The following GYPC variants were observed in gnomAD, a reference collection of about 807,000 sequenced individuals.
GYPC encodes the protein glycophorin-C.
A neutral mutation model predicts 12.6 loss-of-function variants in GYPC; 14 were observed. That is an observed-to-expected ratio of 1.11 (90% CI 0.74 to 1.74). The LOEUF (loss-of-function observed/expected upper bound fraction) is 1.74. Among genes scored for constraint, GYPC ranks in the 40% most tolerant of loss-of-function variants. The probability of loss-of-function intolerance (pLI) is 0.00; values close to 1 mark genes in which losing one functional copy is unlikely to be tolerated. For missense variants in GYPC, 225 were observed against 172.1 expected, an observed-to-expected ratio of 1.31 and a Z score of -1.72; for synonymous variants, 78 against 62.1, an observed-to-expected ratio of 1.26 and a Z score of -1.20.
At chr2:126,663,306 G>A (rs1021343192) in intron 1 of GYPC, among the ~76,000 whole-genome samples, 1 of 152,180 alleles carries the variant, frequency 6.6e-6, no homozygotes, top group Admixed American at 6.5e-5. Flanking sequence ...AAAGTGCTGG[G>A]ATTATAGGCA....
intron 1 of GYPC, chr2:126,680,303 G>C (rs1227400576): frequency 1.3e-5 from 2 of 152,232 alleles, no homozygotes; most frequent in Non-Finnish European, 2.9e-5. Flanking sequence ...GAAAGATGAG[G>C]CCAAGAGGGG....
chr2:126,668,984 A>G (rs1056523191), intron 1 of GYPC, among the ~76,000 whole-genome samples: 1 of 152,260 alleles, frequency 6.6e-6, no homozygotes, highest in African/African-American at 2.4e-5. Context: ...AACTGGCTCA[A>G]TAGCTATGTA....
intron 1 of GYPC, among the ~76,000 whole-genome samples, chr2:126,659,698 G>A (rs1025372584): frequency 6.6e-5 from 10 of 152,016 alleles, no homozygotes; most frequent in Non-Finnish European, 1.3e-4. Context: ...AAACTTAGAT[G>A]CCGAGCCCTG....
At chr2:126,692,654 G>T (rs530062660) in intron 2 of GYPC, among the ~76,000 whole-genome samples, 2 of 152,074 alleles carry the variant, frequency 1.3e-5, no homozygotes, top group Non-Finnish European at 2.9e-5. Flanking sequence ...GAAACATCCC[G>T]GTCCCCAATG....
rs144302046 is a variant in GYPC, at chr2:126,685,689, A to C, written c.50-4566A>C. The C allele has an allele frequency of 3.6e-3, 2,647 of 744,716 alleles. 4 individuals are homozygous for C. The highest frequency in any genetic ancestry group is 4.0e-3 in the Non-Finnish European group (2,423 of 609,956). The allele number at this position is 744,716 out of a possible 1,614,324, so 46.1% of individuals were successfully genotyped here. A position where few individuals can be genotyped will look rare whatever the true frequency, so the allele number is the denominator to read the frequency against. On this transcript the variant is annotated intron_variant, in intron 1 of 3. Transcript: ENST00000259254. The stretch of plus-strand genomic sequence containing the variant: ...TGAGCCACTGCACCCGGCCTGGTAA[A>C]TTGACTTTTCTAACCAGGCTTGTAG...
At position 126,696,017 on chromosome 2, in the gene GYPC, A is replaced by C. The variant is rs200062204; in HGVS notation, c.262A>C (p.Lys88Gln). ...CATGCTGCGCTACATGTACCGGCACAAGGGCACGTACCACACCAATGAGGC... is the reference window on the plus strand; with the variant it reads ...CATGCTGCGCTACATGTACCGGCACCAGGGCACGTACCACACCAATGAGGC... ...FVMLRYMYRH[K>Q]GTYHTNEAKG... Residue 88 changes from lysine (K) to glutamine (Q), a missense_variant, in exon 4 of 4, where the codon AAG (lysine) becomes CAG (glutamine). Coordinates refer to ENST00000259254, the MANE Select transcript of GYPC (RefSeq NM_002101.5). 26 of 1,614,012 alleles carry C rather than the reference A, an allele frequency of 1.6e-5. No homozygotes were observed. Among genetic ancestry groups the C allele is most frequent in the Non-Finnish European group, 2.2e-5 (26 of 1,179,970 alleles).
At chr2:126,661,107 T>C (rs1682522928) in intron 1 of GYPC, among the ~76,000 whole-genome samples, 1 of 152,212 alleles carries the variant, frequency 6.6e-6, no homozygotes. Flanking sequence ...CCATTTCCCA[T>C]GTGCAGGCAG....
At chr2:126,691,628 A>G (rs1275000875) in intron 2 of GYPC, among the ~76,000 whole-genome samples, 1 of 152,106 alleles carries the variant, frequency 6.6e-6, no homozygotes. Context: ...ACATACAGCA[A>G]CCAGCTCTGC....
chr2:126,686,594 G>A (rs543791503), intron 1 of GYPC: 1 of 980,358 alleles, frequency 1.0e-6, no homozygotes, highest in African/African-American at 1.7e-5. Context: ...GTCTAATGCT[G>A]AGTATAGAGT....
At chr2:126,683,576 G>A (rs1451191660) in intron 1 of GYPC, among the ~76,000 whole-genome samples, 1 of 152,202 alleles carries the variant, frequency 6.6e-6, no homozygotes, top group Non-Finnish European at 1.5e-5. Flanking sequence ...CTTTTACTTA[G>A]ATGTCATAGC....
At chr2:126,684,823 C>T (rs1341460119) in intron 1 of GYPC, among the ~76,000 whole-genome samples, 2 of 152,172 alleles carry the variant, frequency 1.3e-5, no homozygotes, top group African/African-American at 4.8e-5. Flanking sequence ...CCACAAGTCT[C>T]CCTAGCACCT....
chr2:126,689,039 A>T (rs990931032), intron 1 of GYPC, among the ~76,000 whole-genome samples: 4 of 152,234 alleles, frequency 2.6e-5, no homozygotes, highest in African/African-American at 9.6e-5. Flanking sequence ...TCTAGGAAAC[A>T]TCAGGTCCCC....
At chr2:126,694,669 C>A (rs1683587842) in intron 3 of GYPC, among the ~76,000 whole-genome samples, 1 of 152,144 alleles carries the variant, frequency 6.6e-6, no homozygotes, top group African/African-American at 2.4e-5. Flanking sequence ...TATGCAGATA[C>A]AAGTGTTCCC....
Position 126,691,888 on chromosome 2 carries a change from G to A in GYPC, c.106+1577G>A, listed in dbSNP as rs571676106. 2.7e-3 allele frequency among the ~76,000 whole-genome samples: 404 copies of A among 152,256 alleles called. 3 individuals carry two copies. The highest frequency in any genetic ancestry group is 9.2e-3 in the African/African-American group (384 of 41,548). ...TCTGAGGGCAGTTCTGGGTATTTGA[G>A]CTTCTATAACCATCCATGCCTACTT... On this transcript the variant is annotated intron_variant, in intron 2 of 3. Transcript: ENST00000259254.
At chr2:126,667,051 T>G (rs1682702345) in intron 1 of GYPC, among the ~76,000 whole-genome samples, 1 of 152,224 alleles carries the variant, frequency 6.6e-6, no homozygotes, top group South Asian at 2.1e-4. Flanking sequence ...ACTTCTTTGC[T>G]CAGTGTAGAG....
intron 1 of GYPC, among the ~76,000 whole-genome samples, chr2:126,679,389 TG>T (rs1410838378): frequency 6.6e-6 from 1 of 151,942 alleles, no homozygotes; most frequent in East Asian, 1.9e-4. Flanking sequence ...ATCTATGGAG[TG>T]ACTATTGAGC....
chr2:126,684,864 T>C (rs1683242150), intron 1 of GYPC, among the ~76,000 whole-genome samples: 1 of 152,124 alleles, frequency 6.6e-6, no homozygotes, highest in South Asian at 2.1e-4. Flanking sequence ...CTTCATCACA[T>C]AGAGACTGTG....
rs1683635056 is a variant in GYPC at position 126,696,068 on chromosome 2, G to A, written c.313G>A (p.Ala105Thr). 1 of 1,614,160 alleles carries A rather than the reference G, an allele frequency of 6.2e-7. No homozygotes were observed. The highest frequency in any genetic ancestry group is 8.5e-7 in the Non-Finnish European group (1 of 1,179,950). Residue 105 changes from alanine to threonine, a missense_variant, in exon 4 of 4, where the codon GCA (alanine) becomes ACA (threonine). Physicochemically the swap from Ala to Thr is moderately conservative, Grantham distance 58. Transcript: ENST00000259254. ...CAAGGGCACGGAGTTTGCTGAGAGT[G>A]CAGATGCAGCCCTGCAGGGAGACCC... The part of the protein sequence containing the change: ...EAKGTEFAES[A>T]DAALQGDPAL...
chr2:126,686,287 C>T lies in GYPC; in HGVS notation c.50-3968C>T, dbSNP rs929586090. 7.1e-6 allele frequency: 7 copies of T among 985,628 alleles called. No individual in the cohort carries two copies. The African/African-American group carries it at 1.2e-4, about 17-fold the overall frequency. 61.1% of individuals were successfully genotyped at this position (985,628 alleles called of 1,614,324 possible). A position where few individuals can be genotyped will look rare whatever the true frequency, so the allele number is the denominator to read the frequency against. On this transcript the variant is annotated intron_variant, in intron 1 of 3. Coordinates refer to ENST00000259254, the MANE Select transcript of GYPC (RefSeq NM_002101.5). ...CCATTGCAACTGAGGTTCTGCACCC[C>T]AACAGCTGCACTCAAGCTGCCAACT... is the stretch of plus-strand genomic sequence containing the variant.
Sources: gnomAD v4.1 joint callset for allele counts (sites outside exome capture counted in the v4.1 genomes callset) on GRCh38, gnomAD v4.1.1 for gene constraint, MANE v1.5 for transcripts, NCBI Gene and HGNC (gene_info 2026-07-23, HGNC 2026-07-21) for gene names.